The following PPM1L variants were observed in gnomAD, a reference collection of about 807,000 sequenced individuals.
The protein encoded by PPM1L is protein phosphatase 1L.
Under a neutral mutation model 31.4 loss-of-function variants are expected in PPM1L, and 13 were observed. The observed-to-expected ratio is 0.41, with a 90% CI of 0.27 to 0.66. The LOEUF is 0.66. PPM1L is among the 30% of genes least tolerant of loss of function. The pLI is 0.29. For missense variants in PPM1L, 326 were observed against 453.7 expected (o/e 0.72, Z 2.56); for synonymous variants, 184 against 175.4 (o/e 1.05, Z -0.39).
chr3:160,817,065 G>A (rs1309069184), intron 1 of PPM1L, among the ~76,000 whole-genome samples: 1 of 152,042 alleles, frequency 6.6e-6, no homozygotes, highest in Non-Finnish European at 1.5e-5. Flanking sequence ...AAAGTTACAA[G>A]GAGGAAAACA....
At chr3:160,841,313 G>A (rs1472160513) in intron 1 of PPM1L, among the ~76,000 whole-genome samples, 6 of 151,632 alleles carry the variant, frequency 4.0e-5, no homozygotes. Context: ...GAGCACAATG[G>A]TTAAATCTTT....
intron 1 of PPM1L, among the ~76,000 whole-genome samples, chr3:160,870,029 AT>A (rs1712246993): frequency 6.6e-6 from 1 of 152,106 alleles, no homozygotes; most frequent in African/African-American, 2.4e-5. Context: ...GGTAGCAACA[AT>A]TCAAAATTTG....
intron 3 of PPM1L, among the ~76,000 whole-genome samples, chr3:161,067,809 G>A (rs1035666002): frequency 1.3e-5 from 2 of 152,244 alleles, no homozygotes; most frequent in African/African-American, 2.4e-5. Flanking sequence ...TTCACCCATC[G>A]CTCAAAGCCC....
intron 1 of PPM1L, among the ~76,000 whole-genome samples, chr3:160,824,952 A>G (rs1490112511): frequency 1.3e-5 from 2 of 152,030 alleles, no homozygotes; most frequent in African/African-American, 4.8e-5. Flanking sequence ...ATTTCTAAAT[A>G]TTCATATTTT....
At chr3:161,067,149 A>G (rs956023135) in intron 3 of PPM1L, among the ~76,000 whole-genome samples, 12 of 152,108 alleles carry the variant, frequency 7.9e-5, no homozygotes, top group African/African-American at 2.7e-4. Flanking sequence ...TACACAATAC[A>G]CCTGCAAATG....
chr3:160,906,799 A>T (rs570440967), intron 1 of PPM1L, among the ~76,000 whole-genome samples: 1 of 152,156 alleles, frequency 6.6e-6, no homozygotes, highest in African/African-American at 2.4e-5. Context: ...CTTGTGGGAT[A>T]TTGGACAGAG....
chr3:160,869,621 T>A (rs1267589256), intron 1 of PPM1L, among the ~76,000 whole-genome samples: 2 of 152,140 alleles, frequency 1.3e-5, no homozygotes, highest in African/African-American at 2.4e-5. Flanking sequence ...GTATGACATA[T>A]ATTGATTTCA....
intron 1 of PPM1L, among the ~76,000 whole-genome samples, chr3:160,814,789 A>G (rs746799020): frequency 3.3e-5 from 5 of 151,686 alleles, no homozygotes; most frequent in Non-Finnish European, 5.9e-5. Context: ...ACATAATGGT[A>G]TATAAACACA....
At chr3:160,895,404 G>T (rs1713300855) in intron 1 of PPM1L, among the ~76,000 whole-genome samples, 1 of 151,924 alleles carries the variant, frequency 6.6e-6, no homozygotes, top group Non-Finnish European at 1.5e-5. Flanking sequence ...TTTTTATAGA[G>T]ACCAGGTCTT....
At chr3:160,859,965 A>G (rs917798864) in intron 1 of PPM1L, among the ~76,000 whole-genome samples, 1 of 152,088 alleles carries the variant, frequency 6.6e-6, no homozygotes, top group Admixed American at 6.6e-5. Flanking sequence ...TGTCTTTCCA[A>G]TGGTTGGGTT....
At chr3:161,040,929 A>T (rs1042272597) in intron 2 of PPM1L, among the ~76,000 whole-genome samples, 1 of 152,190 alleles carries the variant, frequency 6.6e-6, no homozygotes, top group African/African-American at 2.4e-5. Flanking sequence ...TTGTGGGGGA[A>T]AATTTGCATC....
chr3:160,967,564 C>G, intron 2 of PPM1L, among the ~76,000 whole-genome samples: 1 of 125,050 alleles, frequency 8.0e-6, no homozygotes, highest in Non-Finnish European at 2.0e-5. Context: ...GGGGTTCACC[C>G]CTTTGATCTA....
At chr3:161,024,379 C>T (rs992437527) in intron 2 of PPM1L, among the ~76,000 whole-genome samples, 4 of 151,956 alleles carry the variant, frequency 2.6e-5, no homozygotes, top group African/African-American at 9.7e-5. Flanking sequence ...ATAGGGCTTT[C>T]CTACCTCGGA....
intron 1 of PPM1L, among the ~76,000 whole-genome samples, chr3:160,950,712 T>C (rs1159610736): frequency 2.0e-5 from 3 of 152,184 alleles, no homozygotes; most frequent in African/African-American, 7.2e-5. Flanking sequence ...AGAACAGTTT[T>C]ATCTGACCAT....
intron 1 of PPM1L, among the ~76,000 whole-genome samples, chr3:160,847,684 A>G (rs775547202): frequency 1.3e-5 from 2 of 152,178 alleles, no homozygotes; most frequent in Non-Finnish European, 2.9e-5. Flanking sequence ...ACAAAACAAA[A>G]CAAAGCAAAA....
At chr3:160,940,334 A>C (rs1003201269) in intron 1 of PPM1L, among the ~76,000 whole-genome samples, 1 of 152,228 alleles carries the variant, frequency 6.6e-6, no homozygotes, top group African/African-American at 2.4e-5. Flanking sequence ...AATTTGCATA[A>C]GTAGCAAGGA....
intron 1 of PPM1L, among the ~76,000 whole-genome samples, chr3:160,873,638 C>G (rs902459256): frequency 2.6e-5 from 4 of 151,994 alleles, no homozygotes; most frequent in African/African-American, 7.3e-5. Flanking sequence ...ACCTCTGTCC[C>G]CCGGGTTCAA....
intron 1 of PPM1L, among the ~76,000 whole-genome samples, chr3:160,767,014 T>A (rs1483775807): frequency 6.6e-6 from 1 of 151,280 alleles, no homozygotes; most frequent in Non-Finnish European, 1.5e-5. Flanking sequence ...GGAGAGACAT[T>A]ATTTTCTAAT....
chr3:160,769,684 A>G (rs913169197), intron 1 of PPM1L, among the ~76,000 whole-genome samples: 4 of 152,024 alleles, frequency 2.6e-5, no homozygotes, highest in African/African-American at 7.2e-5. Context: ...TGGAAATATT[A>G]TAGTAGTTCT....
Sources: allele counts gnomAD v4.1 joint callset (sites outside exome capture counted in the v4.1 genomes callset), GRCh38; gene constraint gnomAD v4.1.1; transcripts MANE v1.5; gene names NCBI Gene and HGNC (gene_info 2026-07-23, HGNC 2026-07-21).